SCFD2: variants seen among roughly 807,000 people sequenced by gnomAD.
SCFD2 encodes sec1 family domain containing 2.
In SCFD2, 54 loss-of-function variants were observed where a neutral mutation model predicts 58.9. The observed-to-expected ratio is 0.92, with a 90% CI of 0.74 to 1.15. SCFD2 has a LOEUF of 1.15. Among genes scored for constraint, SCFD2 ranks in the 50% most tolerant of loss-of-function variants. The probability of loss-of-function intolerance (pLI) is 0.00; values close to 1 mark genes in which losing one functional copy is unlikely to be tolerated. For synonymous variants in SCFD2, 321 were observed against 335.9 expected (o/e 0.96, Z 0.49); for missense variants, 805 against 836.6 (o/e 0.96, Z 0.47).
chr4:52,908,120 A>C (rs540234078), intron 6 of SCFD2, among the ~76,000 whole-genome samples: 198 of 152,356 alleles, frequency 1.3e-3, no homozygotes, highest in South Asian at 2.5e-3. Context: ...AAAGAAGCTA[A>C]GATGACATAA....
At chr4:53,334,211 G>T (rs11133264) in intron 2 of SCFD2, among the ~76,000 whole-genome samples, 142,858 of 148,462 alleles carry the variant, frequency 0.96, 68,962 homozygotes, top group Non-Finnish European at 1. Context: ...CAGGGATCTA[G>T]AACTAGAAAT....
At chr4:53,069,781 TC>T (rs1351336438) in intron 5 of SCFD2, among the ~76,000 whole-genome samples, 1 of 152,058 alleles carries the variant, frequency 6.6e-6, no homozygotes, top group African/African-American at 2.4e-5. Context: ...CTGCTACTAT[TC>T]AGTTGGATAA....
At chr4:53,236,391 A>T (rs1429428786) in intron 4 of SCFD2, among the ~76,000 whole-genome samples, 1 of 150,728 alleles carries the variant, frequency 6.6e-6, no homozygotes, top group East Asian at 1.9e-4. Context: ...AGCATATGTA[A>T]GTGTGTGTGT....
At chr4:53,254,222 C>T (rs566848441) in intron 4 of SCFD2, among the ~76,000 whole-genome samples, 25 of 152,104 alleles carry the variant, frequency 1.6e-4, no homozygotes, top group Admixed American at 1.2e-3. Context: ...ATAATCCTCA[C>T]GTGTCAAAAG....
rs568186119 is a variant in SCFD2 at position 53,164,804 on chromosome 4, A to AAAGAAG, written c.1312-19228_1312-19223dup. Among the ~76,000 whole-genome samples the AAAGAAG allele has an allele frequency of 2.3e-4, 33 of 143,924 alleles. 1 individual carries two copies. Among genetic ancestry groups the AAAGAAG allele is most frequent in the African/African-American group, 7.4e-4 (27 of 36,432 alleles). The allele number at this position is 143,924 out of a possible 152,430, so 94.4% of individuals were successfully genotyped here. On this transcript the variant is annotated intron_variant, in intron 4 of 8. Transcript: ENST00000401642. ...CTGGAGTCTCAAAAAAAAAAAAAAA[A>AAAGAAG]AAGAAGAAGAAGAAGAAGAAGAAGA...
intron 5 of SCFD2, among the ~76,000 whole-genome samples, chr4:52,931,000 G>C (rs888633758): frequency 2.0e-5 from 3 of 152,102 alleles, no homozygotes; most frequent in African/African-American, 7.2e-5. Flanking sequence ...TACTGTAAGT[G>C]GGGGAAATGC....
Position 53,365,048 on chromosome 4 carries a change from G to T in SCFD2, c.838+56C>A. 2 of 1,549,238 alleles carry T rather than the reference G, an allele frequency of 1.3e-6. No homozygotes were observed. Among genetic ancestry groups the T allele is most frequent in the South Asian group, 1.2e-5 (1 of 80,522 alleles). On this transcript the variant is annotated intron_variant, in intron 1 of 8. Transcript: ENST00000401642. The surrounding 1 kb of genome is among the most constrained non-coding windows in gnomAD (Gnocchi z 4.3). ...TCAATAAAATATATGCTGAATCAAT[G>T]AAAGTCCCAGCAATGTGGGGAATGG... is the stretch of plus-strand genomic sequence containing the variant.
intron 5 of SCFD2, among the ~76,000 whole-genome samples, chr4:52,979,066 G>GGC (rs1240209037): frequency 6.1e-5 from 4 of 65,580 alleles, no homozygotes; most frequent in South Asian, 6.9e-4. Flanking sequence ...GCCTTTTTTT[G>GGC]GGGGGGGGAG....
At chr4:53,242,224 C>T (rs1729916590) in intron 4 of SCFD2, among the ~76,000 whole-genome samples, 1 of 152,220 alleles carries the variant, frequency 6.6e-6, no homozygotes, top group Non-Finnish European at 1.5e-5. Flanking sequence ...CTGACACCAC[C>T]CATCAGAGTG....
In SCFD2 at chr4:53,045,509, A is replaced by G. The variant is rs199819283; in HGVS notation, c.1561+99824T>C. On this transcript the variant is annotated intron_variant, in intron 5 of 8. Transcript: ENST00000401642. ...ATATCCAGAACTTATTATTTCGTATACTATACAAATAAATTTATAAATAAA... is the reference window on the plus strand; with the variant it reads ...ATATCCAGAACTTATTATTTCGTATGCTATACAAATAAATTTATAAATAAA... Among the ~76,000 whole-genome samples, 6 of 152,256 alleles carry G rather than the reference A, an allele frequency of 3.9e-5. No homozygotes were observed. In the East Asian group the frequency reaches 1.2e-3, roughly 29 times the overall value.
At chr4:53,178,756 A>G (rs1432576739) in intron 4 of SCFD2, among the ~76,000 whole-genome samples, 3 of 152,194 alleles carry the variant, frequency 2.0e-5, no homozygotes, top group Non-Finnish European at 4.4e-5. Context: ...TTTGAAAAAA[A>G]ATTAGACGAA....
At chr4:53,205,005 T>C (rs1052799306) in intron 4 of SCFD2, among the ~76,000 whole-genome samples, 52 of 151,996 alleles carry the variant, frequency 3.4e-4, no homozygotes, top group Admixed American at 2.6e-4. Context: ...CTTTTCAATA[T>C]ATCAAAGGAT....
chr4:53,074,854 T>C (rs1577706463), intron 5 of SCFD2, among the ~76,000 whole-genome samples: 1 of 152,176 alleles, frequency 6.6e-6, no homozygotes, highest in Non-Finnish European at 1.5e-5. Flanking sequence ...TTTAGCATAA[T>C]TGTTAAGGCC....
intron 5 of SCFD2, among the ~76,000 whole-genome samples, chr4:52,982,288 A>G (rs778590978): frequency 6.7e-4 from 102 of 152,176 alleles, no homozygotes; most frequent in Non-Finnish European, 5.7e-4. Context: ...GGGGAAACAG[A>G]TCAGAATTGT....
chr4:53,181,069 A>G (rs1293329311), intron 4 of SCFD2, among the ~76,000 whole-genome samples: 1 of 152,238 alleles, frequency 6.6e-6, no homozygotes, highest in African/African-American at 2.4e-5. Flanking sequence ...GAATTCCACC[A>G]GAGGTACAAA....
At chr4:53,189,357 G>A (rs1727827580) in intron 4 of SCFD2, among the ~76,000 whole-genome samples, 1 of 152,144 alleles carries the variant, frequency 6.6e-6, no homozygotes, top group Non-Finnish European at 1.5e-5. Flanking sequence ...GAGACTAAAA[G>A]GAGACAATAA....
At chr4:53,045,823 C>A (rs1171530625) in intron 5 of SCFD2, among the ~76,000 whole-genome samples, 1 of 152,004 alleles carries the variant, frequency 6.6e-6, no homozygotes, top group Non-Finnish European at 1.5e-5. Context: ...ATCCTGTCAA[C>A]TAAGAAAAAT....
At chr4:53,054,278 T>A (rs1015249917) in intron 5 of SCFD2, among the ~76,000 whole-genome samples, 12 of 152,224 alleles carry the variant, frequency 7.9e-5, no homozygotes, top group Non-Finnish European at 1.6e-4. Flanking sequence ...GACAGAATAA[T>A]ATTCCCCTGT....
At chr4:53,250,217 A>G (rs1411266195) in intron 4 of SCFD2, among the ~76,000 whole-genome samples, 1 of 152,250 alleles carries the variant, frequency 6.6e-6, no homozygotes, top group Non-Finnish European at 1.5e-5. Flanking sequence ...CCGTTACATA[A>G]TGCTAAAGGG....
Sources: gnomAD v4.1 joint callset for allele counts (sites outside exome capture counted in the v4.1 genomes callset) on GRCh38, gnomAD v4.1.1 for gene constraint, Gnocchi (gnomAD v3.1) non-coding constraint, MANE v1.5 for transcripts, NCBI Gene and HGNC (gene_info 2026-07-23, HGNC 2026-07-21) for gene names.